The following ARHGAP20 variants were observed in gnomAD, a reference collection of about 807,000 sequenced individuals.
ARHGAP20 encodes the protein Rho GTPase activating protein 20, also known as rho GTPase-activating protein 20.
ARHGAP20 carries 34 observed loss-of-function variants against 73.7 expected under a neutral mutation model. The ratio of observed to expected loss-of-function variants is 0.46; its 90% CI spans 0.35 to 0.61. The LOEUF (loss-of-function observed/expected upper bound fraction) is 0.61, where lower values mean the gene tolerates loss of function less well. Among genes scored for constraint, ARHGAP20 ranks in the 20% least tolerant of loss-of-function variants. The pLI is 0.00. For missense variants in ARHGAP20, 1,314 were observed against 1,420.9 expected, an observed-to-expected ratio of 0.92 and a Z score of 1.21; for synonymous variants, 523 against 518.2, an observed-to-expected ratio of 1.01 and a Z score of -0.13.
intron 2 of ARHGAP20, among the ~76,000 whole-genome samples, chr11:110,689,330 A>C (rs1393247984): frequency 6.6e-6 from 1 of 152,160 alleles, no homozygotes; most frequent in Non-Finnish European, 1.5e-5. Flanking sequence ...TGCTTTAAAT[A>C]AAGTTGGTGA....
chr11:110,694,117 T>C (rs568389509), intron 1 of ARHGAP20, among the ~76,000 whole-genome samples: 1 of 152,010 alleles, frequency 6.6e-6, no homozygotes, highest in African/African-American at 2.4e-5. Flanking sequence ...TAGTGTTAAG[T>C]AGCCCCAAAA....
chr11:110,698,396 C>A (rs913168818), intron 1 of ARHGAP20, among the ~76,000 whole-genome samples: 2 of 151,716 alleles, frequency 1.3e-5, no homozygotes, highest in Non-Finnish European at 3.0e-5. Context: ...TCCATTGTGT[C>A]CTTCTCTGAT....
intron 9 of ARHGAP20, among the ~76,000 whole-genome samples, chr11:110,595,626 G>A (rs1433159279): frequency 6.6e-6 from 1 of 152,116 alleles, no homozygotes; most frequent in African/African-American, 2.4e-5. Flanking sequence ...ACAAACCACT[G>A]CCCAATGAAA....
chr11:110,700,592 AT>A (rs1043933464), intron 1 of ARHGAP20, among the ~76,000 whole-genome samples: 1 of 149,564 alleles, frequency 6.7e-6, no homozygotes, highest in Non-Finnish European at 1.5e-5. Flanking sequence ...TTTTTATTTT[AT>A]TTATTATTAT....
intron 2 of ARHGAP20, among the ~76,000 whole-genome samples, chr11:110,650,921 A>G (rs775772378): frequency 3.9e-5 from 6 of 152,140 alleles, no homozygotes; most frequent in Admixed American, 6.6e-5. Flanking sequence ...AAATCTTTCA[A>G]TTTTGCTACT....
intron 2 of ARHGAP20, among the ~76,000 whole-genome samples, chr11:110,637,977 G>A (rs777257025): frequency 6.6e-6 from 1 of 152,032 alleles, no homozygotes; most frequent in South Asian, 2.1e-4. Context: ...TGAGAAAGGG[G>A]TACAGTCATT....
At position 110,643,940 on chromosome 11, in the gene ARHGAP20, GGT is replaced by G. The variant is rs567078614; in HGVS notation, c.189-13150_189-13149del. On this transcript the variant is annotated intron_variant, in intron 2 of 14. Transcript: ENST00000683387. ...TATGAATCTGGGTGCTCTAATTTTG[GGT>G]GTGTGTAGACTTAAAATAGTTAAGT... is the stretch of plus-strand genomic sequence containing the variant. Among the ~76,000 whole-genome samples the G allele has an allele frequency of 1.3e-4, 20 of 152,036 alleles. No homozygotes were observed. In the South Asian group the frequency reaches 4.2e-3, roughly 32 times the overall value.
At chr11:110,590,881 T>C (rs563084796) in intron 10 of ARHGAP20, 72 bp from the exon 11 acceptor site, 6 of 1,460,504 alleles carry the variant, frequency 4.1e-6, no homozygotes, top group East Asian at 2.4e-5. Context: ...CTTGCCCTCT[T>C]TGGATGCCAG....
At chr11:110,712,090 G>A (rs781617813) in intron 1 of ARHGAP20, 37 bp downstream of exon 1, 20 of 1,268,030 alleles carry the variant, frequency 1.6e-5, no homozygotes, top group Admixed American at 4.2e-5. Context: ...GGGGGCTGCG[G>A]CGGCGGAGGG....
At chr11:110,689,888 C>T (rs1307951595) in intron 2 of ARHGAP20, among the ~76,000 whole-genome samples, 9 of 151,848 alleles carry the variant, frequency 5.9e-5, no homozygotes. Flanking sequence ...CTGCTTGGCC[C>T]TCTTTCAAGT....
At chr11:110,593,758 TGGCTA>T (rs1302724875) in intron 9 of ARHGAP20, among the ~76,000 whole-genome samples, 1 of 152,242 alleles carries the variant, frequency 6.6e-6, no homozygotes, top group East Asian at 1.9e-4. Context: ...CCCACATCTC[TGGCTA>T]ACCCCTGAAG....
rs1335950283 is a variant in ARHGAP20 at position 110,577,879 on chromosome 11, A to G, written c.*1491T>C. 1.1e-4 allele frequency: 113 copies of G among 985,676 alleles called. No individual in the cohort carries two copies. The highest frequency in any genetic ancestry group is 1.3e-4 in the Non-Finnish European group (111 of 829,852). 61.1% of individuals were successfully genotyped at this position (985,676 alleles called of 1,614,324 possible). A position where few individuals can be genotyped will look rare whatever the true frequency, so the allele number is the denominator to read the frequency against. On this transcript the variant is annotated 3_prime_UTR_variant, in exon 15 of 15. Coordinates refer to ENST00000683387, the MANE Select transcript of ARHGAP20 (RefSeq NM_001384657.1). ...CTGAAAATGCAACCTTTAGAACAAA[A>G]AAGAAAGAACATTTGATATGACCAT...
Position 110,580,438 on chromosome 11 carries a change from G to A in ARHGAP20, c.2508C>T (p.Leu836=). The change falls in exon 15 of 15, where the codon CTC becomes CTT. Residue 836 remains leucine, a synonymous_variant. Coordinates refer to ENST00000683387, the MANE Select transcript of ARHGAP20 (RefSeq NM_001384657.1). The stretch of plus-strand genomic sequence containing the variant: ...AGCGCCGATGTGTCCTTGGACCCTT[G>A]AGGGCATCTGCTGTGTGTGGTGGGG... ...GYSPPHTADA[L]KGPRTHRRCS... 6.2e-7 allele frequency: 1 copy of A among 1,613,130 alleles called. No homozygotes were observed. The highest frequency in any genetic ancestry group is 8.5e-7 in the Non-Finnish European group (1 of 1,179,674).
At chr11:110,605,525 ACT>A (rs1027446527) in intron 9 of ARHGAP20, among the ~76,000 whole-genome samples, 11 of 152,264 alleles carry the variant, frequency 7.2e-5, no homozygotes, top group Middle Eastern at 3.4e-3. Context: ...GGCAAAAAAA[ACT>A]CTTTACAATG....
chr11:110,711,547 T>TG (rs1022817189), intron 1 of ARHGAP20: 10 of 1,338,290 alleles, frequency 7.5e-6, no homozygotes, highest in East Asian at 6.1e-5. Flanking sequence ...GACCCTGGTG[T>TG]GGGGGGCAGT....
At chr11:110,626,141 T>C (rs1390915443) in intron 3 of ARHGAP20, among the ~76,000 whole-genome samples, 5 of 152,258 alleles carry the variant, frequency 3.3e-5, no homozygotes, top group Non-Finnish European at 7.3e-5. Flanking sequence ...GACCAAATTT[T>C]ATTTATTGAT....
Position 110,677,432 on chromosome 11 carries a change from T to C in ARHGAP20, c.188+13115A>G, listed in dbSNP as rs1440768657. On this transcript the variant is annotated intron_variant, in intron 2 of 14. Coordinates refer to ENST00000683387, the MANE Select transcript of ARHGAP20 (RefSeq NM_001384657.1). The stretch of plus-strand genomic sequence containing the variant: ...ACTGTGAGAGGCCAAGGTGGGCAAA[T>C]GGCTTCAGCCCAGGAGTTTGAGACC... Among the ~76,000 whole-genome samples, 6 of 152,132 alleles carry C rather than the reference T, an allele frequency of 3.9e-5. No individual in the cohort carries two copies. In the East Asian group the frequency reaches 5.8e-4, roughly 15 times the overall value.
intron 10 of ARHGAP20, 52 bp downstream of exon 10, chr11:110,591,924 CT>C (rs1947838240): frequency 1.3e-6 from 2 of 1,575,142 alleles, no homozygotes; most frequent in Non-Finnish European, 1.7e-6. Flanking sequence ...TCGCAGAGCT[CT>C]CCTTTCCCAA....
intron 2 of ARHGAP20, among the ~76,000 whole-genome samples, chr11:110,686,986 C>T (rs528525446): frequency 4.0e-5 from 6 of 148,904 alleles, no homozygotes; most frequent in Non-Finnish European, 8.9e-5. Context: ...ATTATGCACC[C>T]TAATTACTGA....
Sources: gnomAD v4.1 joint callset for allele counts (sites outside exome capture counted in the v4.1 genomes callset) on GRCh38, gnomAD v4.1.1 for gene constraint, MANE v1.5 for transcripts, NCBI Gene and HGNC (gene_info 2026-07-23, HGNC 2026-07-21) for gene names.